The following BMPER variants were observed in gnomAD, a reference collection of about 807,000 sequenced individuals.
BMPER encodes BMP binding endothelial regulator, also known as BMP-binding endothelial regulator protein.
A neutral mutation model predicts 87.3 loss-of-function variants in BMPER; 45 were observed. That is an observed-to-expected ratio of 0.52 (90% confidence interval 0.41 to 0.66). BMPER has a LOEUF of 0.66. Among genes scored for constraint, BMPER ranks in the 30% least tolerant of loss-of-function variants. The pLI is 0.00. For missense variants in BMPER, 784 were observed against 867.5 expected (o/e 0.90, Z 1.21); for synonymous variants, 326 against 316.2 (o/e 1.03, Z -0.33).
chr7:34,107,588 C>T (rs1364892157), intron 13 of BMPER, among the ~76,000 whole-genome samples: 2 of 152,172 alleles, frequency 1.3e-5, no homozygotes, highest in East Asian at 3.8e-4. Flanking sequence ...AAATAGAAAT[C>T]TGACACCAAC....
At chr7:34,105,146 GTGC>G (rs567845565) in intron 13 of BMPER, among the ~76,000 whole-genome samples, 2 of 152,190 alleles carry the variant, frequency 1.3e-5, no homozygotes, top group South Asian at 2.1e-4. Context: ...ATTTGTGAGT[GTGC>G]TGGTAGAGTC....
intron 6 of BMPER, among the ~76,000 whole-genome samples, chr7:33,978,408 A>G (rs911832899): frequency 2.0e-5 from 3 of 152,338 alleles, no homozygotes; most frequent in African/African-American, 7.2e-5. Context: ...CTTTGACACC[A>G]TGTGAGCTAC....
chr7:34,155,019 T>C lies in BMPER; in HGVS notation c.*1746T>C, dbSNP rs1791275498. On this transcript the variant is annotated 3_prime_UTR_variant, in exon 15 of 15. Coordinates refer to ENST00000649409, the MANE Select transcript of BMPER (RefSeq NM_001365308.1). ...CATTTGGGGGTCTCACTTTTGCTTA[T>C]CTGTAACACAAAGAGGCCATGTAGT... The C allele has an allele frequency of 6.6e-6, 1 of 152,172 alleles. No individual in the cohort carries two copies. Among genetic ancestry groups the C allele is most frequent in the East Asian group, 1.9e-4 (1 of 5,190 alleles). 9.4% of individuals were successfully genotyped at this position (152,172 alleles called of 1,614,324 possible).
intron 7 of BMPER, among the ~76,000 whole-genome samples, chr7:34,048,594 G>C (rs541345959): frequency 6.6e-6 from 1 of 152,122 alleles, no homozygotes; most frequent in Non-Finnish European, 1.5e-5. Context: ...GTGACATTTG[G>C]GTCTGGCTCC....
chr7:33,988,413 T>A (rs1025678355), intron 6 of BMPER, among the ~76,000 whole-genome samples: 1 of 152,168 alleles, frequency 6.6e-6, no homozygotes. Flanking sequence ...GCCCACTAAC[T>A]GAATGGACAG....
At chr7:33,907,543 C>G (rs1585623228) in intron 2 of BMPER, among the ~76,000 whole-genome samples, 1 of 152,140 alleles carries the variant, frequency 6.6e-6, no homozygotes, top group Non-Finnish European at 1.5e-5. Context: ...TTAGAAGACT[C>G]AAAAAATAAT....
At chr7:34,134,444 G>T (rs12540602) in intron 13 of BMPER, among the ~76,000 whole-genome samples, 9 of 151,974 alleles carry the variant, frequency 5.9e-5, no homozygotes, top group Admixed American at 2.0e-4. Flanking sequence ...AAGATTTGCC[G>T]GGCTCTGCTA....
At chr7:34,139,270 C>T (rs949719006) in intron 13 of BMPER, among the ~76,000 whole-genome samples, 12 of 152,164 alleles carry the variant, frequency 7.9e-5, no homozygotes, top group African/African-American at 2.7e-4. Flanking sequence ...TGAATCCAGC[C>T]GAAGTCTGTA....
At chr7:34,012,790 G>A (rs184581241) in intron 6 of BMPER, among the ~76,000 whole-genome samples, 35 of 151,948 alleles carry the variant, frequency 2.3e-4, no homozygotes, top group Admixed American at 2.0e-3. Flanking sequence ...ACTCATGAAG[G>A]AAAATCAAAT....
intron 2 of BMPER, among the ~76,000 whole-genome samples, chr7:33,924,595 G>A (rs62449712): frequency 0.2 from 30,828 of 152,168 alleles, 3,396 homozygotes; most frequent in Middle Eastern, 0.37. Flanking sequence ...ATATATTGAC[G>A]TATTCTCCTT....
chr7:33,942,281 A>G (rs1350542656), intron 3 of BMPER, among the ~76,000 whole-genome samples: 3 of 152,206 alleles, frequency 2.0e-5, no homozygotes, highest in Admixed American at 1.3e-4. Flanking sequence ...AGTCAGCAAG[A>G]TGATCATCCT....
upstream of BMPER, chr7:33,905,268 C>G (rs529672572): frequency 2.5e-4 from 97 of 391,518 alleles, no homozygotes; most frequent in East Asian, 5.1e-3. Context: ...TCCTCTCAGT[C>G]TATCTCCGGC....
chr7:34,081,674 C>G (rs1789052824), intron 12 of BMPER, among the ~76,000 whole-genome samples: 1 of 152,218 alleles, frequency 6.6e-6, no homozygotes. Context: ...ATCAACTTTA[C>G]CTGAAAGAAT....
upstream of BMPER, chr7:33,905,359 G>GAAAAA (rs34276608): frequency 2.1e-4 from 52 of 250,312 alleles, 2 homozygotes; most frequent in East Asian, 9.3e-4. Flanking sequence ...ACTCCCTCAG[G>GAAAAA]AAAAAAAAAA....
chr7:34,013,012 G>C (rs189344547), intron 6 of BMPER, among the ~76,000 whole-genome samples: 1 of 151,972 alleles, frequency 6.6e-6, no homozygotes, highest in Admixed American at 6.6e-5. Flanking sequence ...ATCCCCAGAT[G>C]TTTCAGCCCA....
chr7:34,084,041 C>T lies in BMPER; in HGVS notation c.1409-1715C>T, dbSNP rs114006395. On this transcript the variant is annotated intron_variant, in intron 12 of 14. Coordinates refer to ENST00000649409, the MANE Select transcript of BMPER (RefSeq NM_001365308.1). ...AAAAAAGGCCGCATGCAGTGGCTCA[C>T]GCCTGTAATCCCAGTGTTTCGGGAA... Among the ~76,000 whole-genome samples the T allele has an allele frequency of 7.7e-3, 1,168 of 150,736 alleles. 10 individuals carry two copies. Among genetic ancestry groups the T allele is most frequent in the African/African-American group, 0.025 (1,037 of 41,044 alleles).
At position 34,154,287 on chromosome 7, in the gene BMPER, C is replaced by A. The variant is rs1377804446; in HGVS notation, c.*1014C>A. The A allele has an allele frequency of 6.6e-6, 1 of 152,228 alleles. No individual in the cohort carries two copies. The highest frequency in any genetic ancestry group is 2.4e-5 in the African/African-American group (1 of 41,446). 9.4% of individuals were successfully genotyped at this position (152,228 alleles called of 1,614,324 possible). A position where few individuals can be genotyped will look rare whatever the true frequency, so the allele number is the denominator to read the frequency against. Reference sequence around the variant, plus strand: ...TATAATTATTAGACAGTGGAAAAGCCTTTATTGACTAATTGATTTAACCTC... The same window carrying A: ...TATAATTATTAGACAGTGGAAAAGCATTTATTGACTAATTGATTTAACCTC... On this transcript the variant is annotated 3_prime_UTR_variant, in exon 15 of 15. Transcript: ENST00000649409.
intron 6 of BMPER, among the ~76,000 whole-genome samples, chr7:34,019,743 C>T (rs543815165): frequency 7.4e-4 from 112 of 152,028 alleles, no homozygotes; most frequent in African/African-American, 2.5e-3. Flanking sequence ...CCGGCTTCAC[C>T]GAGCTGTAGT....
rs73316019 is a variant in BMPER, at chr7:33,970,523, G to A, written c.493+104G>A. The A allele has an allele frequency of 1.3e-3, 1,533 of 1,192,468 alleles. 13 individuals are homozygous for A. In the African/African-American group the frequency reaches 0.02, roughly 16 times the overall value. 73.9% of individuals were successfully genotyped at this position (1,192,468 alleles called of 1,614,324 possible). A position where few individuals can be genotyped will look rare whatever the true frequency, so the allele number is the denominator to read the frequency against. The stretch of plus-strand genomic sequence containing the variant: ...TGGAAATTTTCCTCACTTTACATCT[G>A]TGTACCTAATGGGTTTAGAGAGCGA... On this transcript the variant is annotated intron_variant, in intron 5 of 14. Transcript: ENST00000649409.
Sources: allele counts gnomAD v4.1 joint callset (sites outside exome capture counted in the v4.1 genomes callset), GRCh38; gene constraint gnomAD v4.1.1; transcripts MANE v1.5; gene names NCBI Gene and HGNC (gene_info 2026-07-23, HGNC 2026-07-21).